The following DNAJC21 variants were observed in gnomAD, a reference collection of about 807,000 sequenced individuals.
DNAJC21 encodes DnaJ heat shock protein family (Hsp40) member C21, also known as dnaJ homolog subfamily C member 21.
In DNAJC21, 63 loss-of-function variants were observed where a neutral mutation model predicts 72.4. The observed-to-expected ratio is 0.87, with a 90% CI of 0.71 to 1.07. DNAJC21 has a LOEUF of 1.07. DNAJC21 is among the 50% of genes least tolerant of loss of function. The pLI is 0.00. For missense variants in DNAJC21, 634 were observed against 644.8 expected (o/e 0.98, Z 0.18); for synonymous variants, 203 against 216.7 (o/e 0.94, Z 0.56).
intron 9 of DNAJC21, among the ~76,000 whole-genome samples, chr5:34,946,811 G>T (rs887301743): frequency 5.3e-5 from 8 of 152,100 alleles, no homozygotes; most frequent in African/African-American, 1.9e-4. Context: ...TTTAACCTGA[G>T]CCTGTATTAC....
chr5:34,945,588 C>G, intron 8 of DNAJC21, 173 bp from the exon 9 acceptor site: 1 of 573,334 alleles, frequency 1.7e-6, no homozygotes, highest in South Asian at 3.3e-5. Flanking sequence ...GTGTTATTCT[C>G]TAAAATGACA....
At position 34,953,350 on chromosome 5, in the gene DNAJC21, C is replaced by CAGGA. The variant is rs1765438563; in HGVS notation, c.1359-576_1359-575insAGGA. Among the ~76,000 whole-genome samples, 3 of 151,928 alleles carry CAGGA rather than the reference C, an allele frequency of 2.0e-5. No homozygotes were observed. In the South Asian group the frequency reaches 6.2e-4, roughly 31 times the overall value. The stretch of plus-strand genomic sequence containing the variant: ...AATCTTGGCTCACTGCAGTCTCCAC[C>CAGGA]TCCTGGGTTCAAGTGATTCCCCTGC... On this transcript the variant is annotated intron_variant, in intron 10 of 11. Transcript: ENST00000648817.
In DNAJC21 at chr5:34,956,052, CAAAAAAAAAAAA is replaced by C. The variant is rs372749678; in HGVS notation, c.*1350_*1361del. ...TGGGCGACAGAGCGAGACTCCGTCT[CAAAAAAAAAAAA>C]AAAAAAAAAAAGAAAGTAATTTTAA... is the stretch of plus-strand genomic sequence containing the variant. On this transcript the variant is annotated 3_prime_UTR_variant, in exon 12 of 12. Coordinates refer to ENST00000648817, the MANE Select transcript of DNAJC21 (RefSeq NM_001012339.3). 3.7e-5 allele frequency: 2 copies of C among 54,758 alleles called. No individual in the cohort carries two copies. The highest frequency in any genetic ancestry group is 2.1e-4 in the Admixed American group (1 of 4,856). The allele number at this position is 54,758 out of a possible 1,614,324, so 3.4% of individuals were successfully genotyped here.
chr5:34,935,935 G>C, intron 3 of DNAJC21, 102 bp downstream of exon 3: 2 of 1,519,910 alleles, frequency 1.3e-6, no homozygotes, highest in Non-Finnish European at 1.8e-6. Flanking sequence ...AAGTGAAGCA[G>C]TGTTCATTTT....
intron 2 of DNAJC21, 122 bp downstream of exon 2, chr5:34,934,030 C>T (rs1764687323): frequency 2.8e-6 from 2 of 705,992 alleles, no homozygotes; most frequent in Non-Finnish European, 4.5e-6. Context: ...AAACATCTGT[C>T]ACCTAGTCAT....
chr5:34,945,864 T>G, intron 9 of DNAJC21, 61 bp downstream of exon 9: 1 of 1,200,744 alleles, frequency 8.3e-7, no homozygotes, highest in Non-Finnish European at 1.2e-6. Context: ...TGCTCTTATT[T>G]ATTCAGTGTA....
intron 5 of DNAJC21, among the ~76,000 whole-genome samples, chr5:34,938,572 C>T (rs1764874925): frequency 6.6e-6 from 1 of 152,194 alleles, no homozygotes; most frequent in African/African-American, 2.4e-5. Flanking sequence ...TGAAAATTAA[C>T]ACTTTACCTA....
At chr5:34,950,763 G>A in intron 10 of DNAJC21, 1 of 988,022 alleles carries the variant, frequency 1.0e-6, no homozygotes, top group Non-Finnish European at 1.2e-6. Context: ...AGGACACATG[G>A]CAGCAGCTGG....
intron 10 of DNAJC21, chr5:34,951,990 C>T (rs1217948710): frequency 1.0e-6 from 1 of 985,320 alleles, no homozygotes; most frequent in Admixed American, 6.1e-5. Context: ...AAGATAGATA[C>T]ATTATACCCA....
chr5:34,954,759 C>A lies in DNAJC21; in HGVS notation c.*45C>A. 2.0e-6 allele frequency: 3 copies of A among 1,495,036 alleles called. No homozygotes were observed. The highest frequency in any genetic ancestry group is 2.7e-6 in the Non-Finnish European group (3 of 1,118,700). The allele number at this position is 1,495,036 out of a possible 1,614,324, so 92.6% of individuals were successfully genotyped here. ...GTTTGACTGTCTCTAGATTTTGAAA[C>A]CAAAAAACTGAACTGAAATCATCTA... On this transcript the variant is annotated 3_prime_UTR_variant, in exon 12 of 12. Coordinates refer to ENST00000648817, the MANE Select transcript of DNAJC21 (RefSeq NM_001012339.3).
In DNAJC21 at chr5:34,938,935, G is replaced by T; in HGVS notation, c.821G>T (p.Arg274Leu). Residue 274 changes from arginine (R) to leucine (L), a missense_variant, in exon 6 of 12, where the codon CGG becomes CTG. Arg to Leu is a moderately radical substitution (Grantham distance 102, BLOSUM62 -2). Coordinates refer to ENST00000648817, the MANE Select transcript of DNAJC21 (RefSeq NM_001012339.3). ...LEKELQEMEA[R>L]YEKEFGDGSD... Reference sequence around the variant, plus strand: ...AAAGAGCTCCAGGAGATGGAGGCACGGTACGAGAAGGAGTTTGGAGATGGA... The same window carrying T: ...AAAGAGCTCCAGGAGATGGAGGCACTGTACGAGAAGGAGTTTGGAGATGGA... The T allele has an allele frequency of 6.2e-7, 1 of 1,614,024 alleles. No individual in the cohort carries two copies. The highest frequency in any genetic ancestry group is 1.1e-5 in the South Asian group (1 of 91,062).
chr5:34,935,614 CA>C (rs1196362699), intron 2 of DNAJC21, 95 bp from the exon 3 acceptor site: 2 of 1,530,202 alleles, frequency 1.3e-6, no homozygotes, highest in African/African-American at 2.8e-5. Flanking sequence ...TATCAACAAC[CA>C]AAAATGTACA....
chr5:34,932,208 G>A (rs1764621964), intron 1 of DNAJC21, among the ~76,000 whole-genome samples: 1 of 152,114 alleles, frequency 6.6e-6, no homozygotes, highest in Non-Finnish European at 1.5e-5. Context: ...ATCACCTGAG[G>A]TCAGGAGATG....
rs251636 is a variant in DNAJC21, at chr5:34,957,339, T to C, written c.*2625T>C. 102,797 of 152,048 alleles carry C rather than the reference T, an allele frequency of 0.68. 35,508 individuals carry two copies. Among genetic ancestry groups the C allele is most frequent in the Non-Finnish European group, 0.76 (51,335 of 67,986 alleles). The allele number at this position is 152,048 out of a possible 1,614,324, so 9.4% of individuals were successfully genotyped here. A position where few individuals can be genotyped will look rare whatever the true frequency, so the allele number is the denominator to read the frequency against. ...AAAGTTAGGGGAAATCTCATTTTCT[T>C]TCTGTAATTCATTCAGTGGTGCCAA... is the stretch of plus-strand genomic sequence containing the variant. On this transcript the variant is annotated 3_prime_UTR_variant, in exon 12 of 12. Coordinates refer to ENST00000648817, the MANE Select transcript of DNAJC21 (RefSeq NM_001012339.3).
At chr5:34,951,342 A>G in intron 10 of DNAJC21, 1 of 985,404 alleles carries the variant, frequency 1.0e-6, no homozygotes, top group Non-Finnish European at 1.2e-6. Context: ...TCCAAGGACA[A>G]AAGCTATTGA....
At position 34,935,749 on chromosome 5, in the gene DNAJC21, T is replaced by A; in HGVS notation, c.231T>A (p.Phe77Leu). The A allele has an allele frequency of 6.2e-7, 1 of 1,614,068 alleles. No homozygotes were observed. The change falls in exon 3 of 12, where the codon TTT becomes TTA. Residue 77 changes from phenylalanine to leucine, a missense_variant. Physicochemically the swap from Phe to Leu is conservative, Grantham distance 22 (BLOSUM62 0). Transcript: ENST00000648817. ...NHREALLKGGFDGEYQDDSLD... is the reference protein window; with the variant it reads ...NHREALLKGGLDGEYQDDSLD... ...GAGAGGCCCTACTTAAAGGTGGGTT[T>A]GATGGCGAATATCAAGATGACAGCT...
In DNAJC21 at chr5:34,950,204, G is replaced by A. The variant is rs1386295980; in HGVS notation, c.1220G>A (p.Gly407Glu). 3 of 1,610,786 alleles carry A rather than the reference G, an allele frequency of 1.9e-6. No individual in the cohort carries two copies. Among genetic ancestry groups the A allele is most frequent in the Admixed American group, 3.4e-5 (2 of 59,478 alleles). Residue 407 changes from glycine (G) to glutamate (E), a missense_variant, in exon 10 of 12, where the codon GGA becomes GAA. Gly to Glu is a moderately conservative substitution (Grantham distance 98, BLOSUM62 -2). Coordinates refer to ENST00000648817, the MANE Select transcript of DNAJC21 (RefSeq NM_001012339.3). ...GACAATTTCAATGTAAATGGACCTG[G>A]AGAAGGAGTAAAGGTTGATCCAGAA... ...YDDNFNVNGP[G>E]EGVKVDPEDT... is the part of the protein sequence containing the mutation.
chr5:34,950,527 C>G (rs1296950084), intron 10 of DNAJC21, 185 bp downstream of exon 10: 1 of 1,249,888 alleles, frequency 8.0e-7, no homozygotes, highest in Non-Finnish European at 1.0e-6. Flanking sequence ...GAAGAGGATG[C>G]TAGAGGAATG....
At chr5:34,953,216 A>G (rs181416799) in intron 10 of DNAJC21, among the ~76,000 whole-genome samples, 42 of 151,952 alleles carry the variant, frequency 2.8e-4, no homozygotes, top group Non-Finnish European at 5.4e-4. Flanking sequence ...ACCGTTGGTT[A>G]GTTTTGAAGA....
Sources: allele counts gnomAD v4.1 joint callset (sites outside exome capture counted in the v4.1 genomes callset), GRCh38; gene constraint gnomAD v4.1.1; transcripts MANE v1.5; gene names NCBI Gene and HGNC (gene_info 2026-07-23, HGNC 2026-07-21).